HIF3A: variants seen among roughly 807,000 people sequenced by gnomAD.
HIF3A encodes the protein hypoxia-inducible factor 3-alpha.
In HIF3A, 41 loss-of-function variants were observed where a neutral mutation model predicts 67.2. The ratio of observed to expected loss-of-function variants is 0.61; its 90% confidence interval spans 0.48 to 0.79. The LOEUF is 0.79. HIF3A is among the 30% of genes least tolerant of loss of function. The pLI is 0.00. For synonymous variants in HIF3A, 356 were observed against 374.8 expected, an observed-to-expected ratio of 0.95 and a Z score of 0.58; for missense variants, 855 against 898.0, an observed-to-expected ratio of 0.95 and a Z score of 0.61.
intron 8 of HIF3A, among the ~76,000 whole-genome samples, chr19:46,317,177 T>G (rs1310168344): frequency 2.6e-5 from 4 of 152,080 alleles, no homozygotes; most frequent in Non-Finnish European, 5.9e-5. Context: ...CGCCTCGGCT[T>G]CCCAAAATGC....
Position 46,331,285 on chromosome 19 carries a change from G to T in HIF3A, c.1830+12G>T, listed in dbSNP as rs1305681622. Reference sequence around the variant, plus strand: ...TTCCTCTCAGCCTGGTGTGTTGGGGGATTAATGGGATTCTCTGGCCCTCAT... The same window carrying T: ...TTCCTCTCAGCCTGGTGTGTTGGGGTATTAATGGGATTCTCTGGCCCTCAT... On this transcript the variant is annotated intron_variant, in intron 13 of 14. Coordinates refer to ENST00000377670, the MANE Select transcript of HIF3A (RefSeq NM_152795.4). 25 of 1,595,470 alleles carry T rather than the reference G, an allele frequency of 1.6e-5. No individual in the cohort carries two copies. Among genetic ancestry groups the T allele is most frequent in the Non-Finnish European group, 2.1e-5 (25 of 1,163,488 alleles).
At chr19:46,310,248 T>G (rs1969312759) in intron 6 of HIF3A, among the ~76,000 whole-genome samples, 1 of 148,644 alleles carries the variant, frequency 6.7e-6, no homozygotes, top group Non-Finnish European at 1.5e-5. Context: ...AAGAAAAAAT[T>G]TGTCAGGCGG....
chr19:46,309,125 C>T, intron 5 of HIF3A, 26 bp from the exon 6 acceptor site: 1 of 1,599,254 alleles, frequency 6.3e-7, no homozygotes, highest in Non-Finnish European at 8.6e-7. Context: ...GGCACCACTG[C>T]CTTGTCCCCT....
chr19:46,328,572 G>A (rs1262179403), intron 11 of HIF3A, among the ~76,000 whole-genome samples: 1 of 152,102 alleles, frequency 6.6e-6, no homozygotes, highest in Non-Finnish European at 1.5e-5. Context: ...CCACATAACT[G>A]CAGGCAACAG....
At chr19:46,321,989 G>T in intron 10 of HIF3A, 23 bp downstream of exon 10, 1 of 1,611,212 alleles carries the variant, frequency 6.2e-7, no homozygotes. Context: ...ACCCATGTGA[G>T]CCCTCAGCAT....
rs978791934 is a variant in HIF3A, at chr19:46,343,183, C to T, written c.*3561C>T. On this transcript the variant is annotated 3_prime_UTR_variant, in exon 15 of 15. Coordinates refer to ENST00000377670, the MANE Select transcript of HIF3A (RefSeq NM_152795.4). ...CTTGGTCTCCCACAGGAAAAGGCCT[C>T]CCCCCTTCTTAGCCCCATTTACCCC... 1 of 152,898 alleles carries T rather than the reference C, an allele frequency of 6.5e-6. No individual in the cohort carries two copies. The highest frequency in any genetic ancestry group is 1.5e-5 in the Non-Finnish European group (1 of 68,304). The allele number at this position is 152,898 out of a possible 1,614,324, so 9.5% of individuals were successfully genotyped here.
intron 9 of HIF3A, 87 bp from the exon 10 acceptor site, chr19:46,321,689 C>A: frequency 8.4e-7 from 1 of 1,195,120 alleles, no homozygotes; most frequent in Non-Finnish European, 1.2e-6. Flanking sequence ...AAGATGTCAA[C>A]TGTGTTCCTG....
Position 46,315,524 on chromosome 19 carries a change from A to C in HIF3A, c.1025+2871A>C, listed in dbSNP as rs192478571. On this transcript the variant is annotated intron_variant, in intron 8 of 14. Transcript: ENST00000377670. ...AAAAACAGCTACTGTAAACATTCTC[A>C]TACAAGATTTTATGAGATCACATGT... Among the ~76,000 whole-genome samples, 156 of 151,084 alleles carry C rather than the reference A, an allele frequency of 1.0e-3. 1 individual carries two copies. Among genetic ancestry groups the C allele is most frequent in the Non-Finnish European group, 1.6e-3 (111 of 67,664 alleles).
At chr19:46,318,548 CAAAAAAAAAAAAAAA>C (rs908312286) in intron 8 of HIF3A, among the ~76,000 whole-genome samples, 50 of 54,090 alleles carry the variant, frequency 9.2e-4, no homozygotes, top group African/African-American at 3.4e-3. Context: ...GATCCTGTCT[CAAAAAAAAAAAAAAA>C]AAAAAAAGTA....
intron 10 of HIF3A, among the ~76,000 whole-genome samples, chr19:46,324,401 C>T (rs548009391): frequency 4.6e-5 from 7 of 152,154 alleles, no homozygotes; most frequent in Non-Finnish European, 1.0e-4. Flanking sequence ...TGACTGTCTT[C>T]ATCCCCACTC....
At chr19:46,303,727 T>C in intron 1 of HIF3A, 171 bp from the exon 2 acceptor site, 1 of 1,552,220 alleles carries the variant, frequency 6.4e-7, no homozygotes, top group Non-Finnish European at 8.7e-7. Context: ...GTGTAGCCCT[T>C]CCAGGCCCAG....
chr19:46,321,718 C>T (rs761326441), intron 9 of HIF3A, 58 bp from the exon 10 acceptor site: 97 of 1,500,840 alleles, frequency 6.5e-5, no homozygotes, highest in Non-Finnish European at 8.3e-5. Flanking sequence ...ATGGAGGGCT[C>T]TGGCCCTTGG....
chr19:46,317,940 G>A (rs767325727), intron 8 of HIF3A, among the ~76,000 whole-genome samples: 7 of 151,964 alleles, frequency 4.6e-5, no homozygotes, highest in Non-Finnish European at 1.0e-4. Context: ...CCGGGTTCAA[G>A]TGATTCTCCT....
At chr19:46,319,471 C>T (rs1308614168) in intron 8 of HIF3A, among the ~76,000 whole-genome samples, 2 of 152,108 alleles carry the variant, frequency 1.3e-5, no homozygotes, top group Non-Finnish European at 2.9e-5. Context: ...TAGATTGTCT[C>T]TGCAGCCAGA....
At chr19:46,331,102 T>C in intron 12 of HIF3A, 54 bp from the exon 13 acceptor site, 1 of 1,426,354 alleles carries the variant, frequency 7.0e-7, no homozygotes, top group South Asian at 1.2e-5. Flanking sequence ...TACACTGTTA[T>C]CCACACTTGC....
intron 10 of HIF3A, 43 bp downstream of exon 10, chr19:46,322,009 A>C (rs775055761): frequency 1.3e-6 from 2 of 1,595,490 alleles, no homozygotes; most frequent in Admixed American, 1.7e-5. Context: ...TCCAGTGCTC[A>C]GTCCCTCAGG....
At chr19:46,298,658 C>G (rs899894595) in intron 1 of HIF3A, 6 of 532,860 alleles carry the variant, frequency 1.1e-5, no homozygotes, top group Middle Eastern at 3.4e-4. Flanking sequence ...GTAGTATTCC[C>G]GGAGAAGATA....
At position 46,305,283 on chromosome 19, in the gene HIF3A, G is replaced by T; in HGVS notation, c.256G>T (p.Asp86Tyr). 1 of 1,614,110 alleles carries T rather than the reference G, an allele frequency of 6.2e-7. No individual in the cohort carries two copies. Among genetic ancestry groups the T allele is most frequent in the Non-Finnish European group, 8.5e-7 (1 of 1,180,018 alleles). ...NQVGAGGEPL[D>Y]ACYLKALEGF... ...GGTGGGAGCAGGGGGAGAACCACTG[G>T]ATGCCTGCTACCTGAAGGCCCTGGA... The change falls in exon 3 of 15, where the codon GAT becomes TAT. Residue 86 changes from aspartate to tyrosine, a missense_variant. Transcript: ENST00000377670.
rs1971004319 is a variant in HIF3A, at chr19:46,329,215, T to C, written c.1449T>C (p.Asp483=). Residue 483 remains aspartate, a synonymous_variant, in exon 12 of 15, where the codon GAT becomes GAC. Transcript: ENST00000377670. Reference sequence around the variant, plus strand: ...CCTCCTGCCCTCCGCAGGATGCTGATGCTCTGGATTTGGAGATGCTGGCCC... The same window carrying C: ...CCTCCTGCCCTCCGCAGGATGCTGACGCTCTGGATTTGGAGATGCTGGCCC... The part of the protein sequence containing the change: ...ETDLDIAQDA[D]ALDLEMLAPY... The C allele has an allele frequency of 5.0e-6, 8 of 1,605,510 alleles. No homozygotes were observed. Among genetic ancestry groups the C allele is most frequent in the Admixed American group, 1.7e-5 (1 of 59,478 alleles).
Sources: gnomAD v4.1 joint callset for allele counts (sites outside exome capture counted in the v4.1 genomes callset) on GRCh38, gnomAD v4.1.1 for gene constraint, MANE v1.5 for transcripts, NCBI Gene and HGNC (gene_info 2026-07-23, HGNC 2026-07-21) for gene names.